Variants in CNTN2 observed in about 807,000 individuals in gnomAD.
CNTN2 encodes the protein contactin-2.
Under a neutral mutation model 117.5 loss-of-function variants are expected in CNTN2, and 53 were observed. The observed-to-expected ratio is 0.45, with a 90% CI of 0.36 to 0.57. CNTN2 has a LOEUF of 0.57. CNTN2 is among the 20% of genes least tolerant of loss of function. The pLI, the probability that CNTN2 is intolerant of heterozygous loss-of-function variation, is 0.00. For missense variants in CNTN2, 1,106 were observed against 1,404.3 expected, an observed-to-expected ratio of 0.79 and a Z score of 3.39; for synonymous variants, 530 against 561.7, an observed-to-expected ratio of 0.94 and a Z score of 0.80.
In CNTN2 at chr1:205,066,561, G is replaced by A. The variant is rs780787184; in HGVS notation, c.1937G>A (p.Arg646His). 8.1e-6 allele frequency: 13 copies of A among 1,613,896 alleles called. No individual in the cohort carries two copies. The highest frequency in any genetic ancestry group is 3.3e-5 in the South Asian group (3 of 91,088). ...ATCGCTAAGTACACCCTGCAAGCTCGCACTCCACCTGCAGGGAAGTGGAAG... is the reference window on the plus strand; with the variant it reads ...ATCGCTAAGTACACCCTGCAAGCTCACACTCCACCTGCAGGGAAGTGGAAG... Reference protein sequence around the residue: ...SPIAKYTLQARTPPAGKWKQV... With the variant: ...SPIAKYTLQAHTPPAGKWKQV... The change falls in exon 15 of 23, where the codon CGC (arginine) becomes CAC (histidine). Residue 646 changes from arginine to histidine, a missense_variant. By Grantham distance (29) the Arg-to-His change is conservative (BLOSUM62 0). Transcript: ENST00000331830.
At chr1:205,045,295 C>T (rs913054386) in intron 1 of CNTN2, among the ~76,000 whole-genome samples, 10 of 152,166 alleles carry the variant, frequency 6.6e-5, no homozygotes, top group Middle Eastern at 3.2e-3. Flanking sequence ...AGCCTCCCGC[C>T]GCCACCATTT....
Position 205,061,580 on chromosome 1 carries a change from G to C in CNTN2, c.973+160G>C, listed in dbSNP as rs980353250. On this transcript the variant is annotated intron_variant, in intron 8 of 22. Coordinates refer to ENST00000331830, the MANE Select transcript of CNTN2 (RefSeq NM_005076.5). This position sits in a 1 kb window ranked among gnomAD's most constrained non-coding sequence, Gnocchi z 4.8. The stretch of plus-strand genomic sequence containing the variant: ...TGCACTGAGTCTGGGACCAGAGGAG[G>C]CTAGTGCTGTGGTCACCTCAGAGCT... The C allele has an allele frequency of 2.2e-6, 2 of 909,272 alleles. No individual in the cohort carries two copies. The highest frequency in any genetic ancestry group is 3.4e-5 in the African/African-American group (2 of 59,422). 56.3% of individuals were successfully genotyped at this position (909,272 alleles called of 1,614,324 possible). A position where few individuals can be genotyped will look rare whatever the true frequency, so the allele number is the denominator to read the frequency against.
chr1:205,074,200 A>C lies in CNTN2; in HGVS notation c.*435A>C, dbSNP rs1403062619. On this transcript the variant is annotated 3_prime_UTR_variant, in exon 23 of 23. Coordinates refer to ENST00000331830, the MANE Select transcript of CNTN2 (RefSeq NM_005076.5). ...AGGTTGAAGAACTGGAGCGAAGTGC[A>C]CACCTCACCATCCTTCAGTCTAAGG... 2.3e-6 allele frequency: 1 copy of C among 438,062 alleles called. No individual in the cohort carries two copies. Among genetic ancestry groups the C allele is most frequent in the African/African-American group, 2.0e-5 (1 of 50,760 alleles). 27.1% of individuals were successfully genotyped at this position (438,062 alleles called of 1,614,324 possible).
At chr1:205,072,365 G>A in intron 20 of CNTN2, 118 bp from the exon 21 acceptor site, 1 of 948,334 alleles carries the variant, frequency 1.1e-6, no homozygotes, top group Non-Finnish European at 1.6e-6. Flanking sequence ...GGGCATGACA[G>A]AATGTGCTGG....
chr1:205,061,445 C>T lies in CNTN2; in HGVS notation c.973+25C>T, dbSNP rs760974107. 3.4e-5 allele frequency: 53 copies of T among 1,554,636 alleles called. No individual in the cohort carries two copies. The highest frequency in any genetic ancestry group is 9.4e-5 in the South Asian group (8 of 85,434). ...GGTACAGAGCCAGGGACACCTTCTC[C>T]GCCCCTCCCGACCCCCCTTCCCGCC... On this transcript the variant is annotated intron_variant, in intron 8 of 22. Coordinates refer to ENST00000331830, the MANE Select transcript of CNTN2 (RefSeq NM_005076.5). The surrounding 1 kb of genome is among the most constrained non-coding windows in gnomAD (Gnocchi z 4.8).
At chr1:205,045,232 CT>C (rs2151180143) in intron 1 of CNTN2, among the ~76,000 whole-genome samples, 1 of 152,312 alleles carries the variant, frequency 6.6e-6, no homozygotes, top group African/African-American at 2.4e-5. Context: ...TCTACTCCTT[CT>C]TTCCTCGCAC....
At chr1:205,066,972 G>C in intron 15 of CNTN2, 129 bp from the exon 16 acceptor site, 2 of 1,157,424 alleles carry the variant, frequency 1.7e-6, no homozygotes, top group Non-Finnish European at 2.4e-6. Context: ...AAAAGGTACT[G>C]AGTGCTTAGT....
chr1:205,058,447 C>G lies in CNTN2; in HGVS notation c.391+91C>G. Reference sequence around the variant, plus strand: ...GAAAGGATAAGGGACACCCTCAAGCCGGGCCTTCCTGACCTCACATGACAT... The same window carrying G: ...GAAAGGATAAGGGACACCCTCAAGCGGGGCCTTCCTGACCTCACATGACAT... On this transcript the variant is annotated intron_variant, in intron 4 of 22. Coordinates refer to ENST00000331830, the MANE Select transcript of CNTN2 (RefSeq NM_005076.5). This position sits in a 1 kb window ranked among gnomAD's most constrained non-coding sequence, Gnocchi z 4.3. 6.5e-7 allele frequency: 1 copy of G among 1,539,722 alleles called. No homozygotes were observed. Among genetic ancestry groups the G allele is most frequent in the Non-Finnish European group, 8.8e-7 (1 of 1,130,792 alleles).
At chr1:205,057,635 T>C (rs1170483409) in intron 2 of CNTN2, 1 of 285,506 alleles carries the variant, frequency 3.5e-6, no homozygotes, top group Non-Finnish European at 6.5e-6. Context: ...AAGTGTAGGA[T>C]GGGTGATTGA....
At position 205,064,347 on chromosome 1, in the gene CNTN2, T is replaced by C; in HGVS notation, c.1266T>C (p.Asn422=). 1.3e-6 allele frequency: 2 copies of C among 1,592,868 alleles called. No homozygotes were observed. Among genetic ancestry groups the C allele is most frequent in the Non-Finnish European group, 1.7e-6 (2 of 1,165,568 alleles). ...CACTCGCCCCTGACTTCAGGCTGAA[T>C]CCCGTGAGGCGTCTGATCCCCGCGG... ...VQALAPDFRL[N]PVRRLIPAAR... The change falls in exon 11 of 23, where the codon AAT becomes AAC. Residue 422 remains asparagine (N), a synonymous_variant. Transcript: ENST00000331830.
chr1:205,062,607 A>G (rs1654052554), intron 10 of CNTN2, 38 bp downstream of exon 10: 1 of 1,592,092 alleles, frequency 6.3e-7, no homozygotes. Context: ...TCCCAAGGAC[A>G]TGCATATGGT....
intron 1 of CNTN2, among the ~76,000 whole-genome samples, chr1:205,044,034 G>T (rs541851776): frequency 6.6e-6 from 1 of 152,130 alleles, no homozygotes; most frequent in Non-Finnish European, 1.5e-5. Flanking sequence ...TGGGGCTACC[G>T]GGCTGAAATT....
rs1246134277 is a variant in CNTN2 at position 205,073,674 on chromosome 1, A to G, written c.3032A>G (p.Glu1011Gly). The G allele has an allele frequency of 1.2e-6, 2 of 1,613,922 alleles. No individual in the cohort carries two copies. Among genetic ancestry groups the G allele is most frequent in the Non-Finnish European group, 1.7e-6 (2 of 1,180,012 alleles). ...VRNGGTSMMV[E>G]NMAVRPAPHP... Reference sequence around the variant, plus strand: ...GTTTCAGGCACAAGCATGATGGTGGAGAACATGGCAGTCCGCCCAGCACCA... The same window carrying G: ...GTTTCAGGCACAAGCATGATGGTGGGGAACATGGCAGTCCGCCCAGCACCA... The change falls in exon 23 of 23, where the codon GAG (glutamate) becomes GGG (glycine). Residue 1011 changes from glutamate to glycine, a missense_variant. Transcript: ENST00000331830. This position sits in a 1 kb window ranked among gnomAD's most constrained non-coding sequence, Gnocchi z 6.3.
chr1:205,048,762 A>G lies in CNTN2; in HGVS notation c.-86-4338A>G, dbSNP rs1048131943. ...GGTCGGGGAGCTCTGTAGAGGCAGT[A>G]ATTTTATTACTGTCTCCCCTGTGCT... On this transcript the variant is annotated intron_variant, in intron 1 of 22. Coordinates refer to ENST00000331830, the MANE Select transcript of CNTN2 (RefSeq NM_005076.5). The surrounding 1 kb of genome is among the most constrained non-coding windows in gnomAD (Gnocchi z 4.1). Among the ~76,000 whole-genome samples, 1 of 152,152 alleles carries G rather than the reference A, an allele frequency of 6.6e-6. No individual in the cohort carries two copies. Among genetic ancestry groups the G allele is most frequent in the African/African-American group, 2.4e-5 (1 of 41,438 alleles).
Position 205,070,523 on chromosome 1 carries a change from C to T in CNTN2, c.2529C>T (p.Ile843=). The part of the protein sequence containing the change: ...WEPVQQDMNG[I]LLGYEIRYWK... ...CCGTGCAGCAGGACATGAATGGTAT[C>T]CTCCTGGGGTATGAGGTGAGCACCA... Residue 843 remains isoleucine (I), a synonymous_variant, in exon 19 of 23, where the codon ATC becomes ATT. Coordinates refer to ENST00000331830, the MANE Select transcript of CNTN2 (RefSeq NM_005076.5). 1 of 1,613,468 alleles carries T rather than the reference C, an allele frequency of 6.2e-7. No individual in the cohort carries two copies. Among genetic ancestry groups the T allele is most frequent in the Non-Finnish European group, 8.5e-7 (1 of 1,179,588 alleles).
intron 9 of CNTN2, 91 bp downstream of exon 9, chr1:205,062,092 G>T: frequency 6.7e-7 from 1 of 1,496,712 alleles, no homozygotes; most frequent in Non-Finnish European, 9.0e-7. Context: ...TGCACCACTA[G>T]TAGCCCCTCT....
rs1232718150 is a variant in CNTN2, at chr1:205,073,759, G to T, written c.3117G>T (p.Glu1039Asp). The stretch of plus-strand genomic sequence containing the variant: ...TGCTGATCCTCATAGGCTCCCTGGA[G>T]CTCTGATCCTGGAACCCCTCCCTCT... Reference protein sequence around the residue: ...VAMLILIGSLEL With the variant: ...VAMLILIGSLDL Residue 1039 changes from glutamate (E) to aspartate (D), a missense_variant, in exon 23 of 23, where the codon GAG becomes GAT. Glu to Asp is a conservative substitution (Grantham distance 45). Coordinates refer to ENST00000331830, the MANE Select transcript of CNTN2 (RefSeq NM_005076.5). The surrounding 1 kb of genome is among the most constrained non-coding windows in gnomAD (Gnocchi z 6.3). 3.7e-6 allele frequency: 6 copies of T among 1,613,106 alleles called. No homozygotes were observed. Among genetic ancestry groups the T allele is most frequent in the Admixed American group, 1.7e-5 (1 of 59,996 alleles).
chr1:205,055,299 G>T (rs1433150561), intron 2 of CNTN2, among the ~76,000 whole-genome samples: 1 of 152,182 alleles, frequency 6.6e-6, no homozygotes, highest in Non-Finnish European at 1.5e-5. Context: ...CAGGCAGAGA[G>T]TGTGTTTTTG....
intron 12 of CNTN2, 60 bp downstream of exon 12, chr1:205,064,810 A>G: frequency 6.3e-7 from 1 of 1,595,652 alleles, no homozygotes; most frequent in African/African-American, 1.3e-5. Flanking sequence ...TGTCCTCCCC[A>G]TCATCCTGCT....
Sources: gnomAD v4.1 joint callset for allele counts (sites outside exome capture counted in the v4.1 genomes callset) on GRCh38, gnomAD v4.1.1 for gene constraint, Gnocchi (gnomAD v3.1) non-coding constraint, MANE v1.5 for transcripts, NCBI Gene and HGNC (gene_info 2026-07-23, HGNC 2026-07-21) for gene names.